Variants in MED27 observed in about 807,000 individuals in gnomAD.
MED27 encodes mediator complex subunit 27.
A neutral mutation model predicts 38.2 loss-of-function variants in MED27; 30 were observed. That is an observed-to-expected ratio of 0.79 (90% CI 0.59 to 1.07). The LOEUF is 1.07. MED27 is among the 50% of genes least tolerant of loss of function. The pLI is 0.00. For synonymous variants in MED27, 122 were observed against 153.5 expected (o/e 0.79, Z 1.52); for missense variants, 289 against 397.5 (o/e 0.73, Z 2.32).
rs544210692 is a variant in MED27, at chr9:131,883,947, C to A, written c.723+111G>T. ...TCAGACAGTGAGCATCCTTTTCTGT[C>A]TGGCTTTTTTCACTTTTTCAAAAGC... On this transcript the variant is annotated intron_variant, in intron 6 of 7. Transcript: ENST00000292035. This position sits in a 1 kb window ranked among gnomAD's most constrained non-coding sequence, Gnocchi z 4.2. 2 of 918,208 alleles carry A rather than the reference C, an allele frequency of 2.2e-6. No individual in the cohort carries two copies. The highest frequency in any genetic ancestry group is 4.8e-5 in the Admixed American group (2 of 41,808). 56.9% of individuals were successfully genotyped at this position (918,208 alleles called of 1,614,324 possible). A position where few individuals can be genotyped will look rare whatever the true frequency, so the allele number is the denominator to read the frequency against.
intron 4 of MED27, among the ~76,000 whole-genome samples, chr9:131,929,333 A>G (rs1830537244): frequency 6.6e-6 from 1 of 152,146 alleles, no homozygotes; most frequent in Non-Finnish European, 1.5e-5. Context: ...CTGCTGGAGA[A>G]AAGCAGAAGG....
chr9:131,876,098 G>A (rs1838927464), intron 6 of MED27, among the ~76,000 whole-genome samples: 1 of 152,210 alleles, frequency 6.6e-6, no homozygotes, highest in Non-Finnish European at 1.5e-5. Context: ...GGTGGGGGCC[G>A]TCCTGCCATG....
rs1475889290 is a variant in MED27 at position 131,880,784 on chromosome 9, T to C, written c.723+3274A>G. Among the ~76,000 whole-genome samples the C allele has an allele frequency of 4.6e-5, 7 of 151,940 alleles. No homozygotes were observed. In the East Asian group the frequency reaches 1.3e-3, roughly 29 times the overall value. On this transcript the variant is annotated intron_variant, in intron 6 of 7. Transcript: ENST00000292035. ...CCTGGCAGGTTATTTTCAAGGGAGG[T>C]AGGATAAAAATACAGTACTGTCTTT...
At chr9:131,941,676 T>C (rs2130970705) in intron 3 of MED27, among the ~76,000 whole-genome samples, 1 of 152,150 alleles carries the variant, frequency 6.6e-6, no homozygotes, top group South Asian at 2.1e-4. Flanking sequence ...TTCAAGTACA[T>C]GAATGGCTTT....
intron 2 of MED27, chr9:132,073,691 A>G (rs1360565350): frequency 6.6e-7 from 1 of 1,517,206 alleles, no homozygotes; most frequent in Non-Finnish European, 8.8e-7. Context: ...GGAGGGAGGA[A>G]ATGTCTTCAG....
chr9:132,022,597 T>G (rs1200899860), intron 2 of MED27, among the ~76,000 whole-genome samples: 1 of 152,216 alleles, frequency 6.6e-6, no homozygotes, highest in African/African-American at 2.4e-5. Context: ...AACATTTTAC[T>G]AGTCACCAAA....
At chr9:131,989,668 G>A (rs1258771511) in intron 3 of MED27, among the ~76,000 whole-genome samples, 5 of 151,612 alleles carry the variant, frequency 3.3e-5, no homozygotes, top group Admixed American at 6.6e-5. Flanking sequence ...GGAAATGTTC[G>A]AACATACCCA....
intron 2 of MED27, chr9:132,073,472 T>A: frequency 8.6e-7 from 1 of 1,160,244 alleles, no homozygotes; most frequent in Non-Finnish European, 1.1e-6. Flanking sequence ...ACATGGTGCC[T>A]CTCCCCTGAG....
rs760459199 is a variant in MED27 at position 131,863,012 on chromosome 9, T to C, written c.801+51A>G. 5 of 1,538,306 alleles carry C rather than the reference T, an allele frequency of 3.3e-6. No homozygotes were observed. The Admixed American group carries it at 6.7e-5, about 21-fold the overall frequency. On this transcript the variant is annotated intron_variant, in intron 7 of 7. Coordinates refer to ENST00000292035, the MANE Select transcript of MED27 (RefSeq NM_004269.4). ...TGCCCTTCAAGCTCCCTGTTCTCAC[T>C]TGAAGGGAGCTGAGGTTTAAACAGG...
chr9:132,013,877 G>T (rs987786604), intron 3 of MED27, among the ~76,000 whole-genome samples: 1 of 152,086 alleles, frequency 6.6e-6, no homozygotes, highest in Non-Finnish European at 1.5e-5. Flanking sequence ...ATCATGCTTG[G>T]TTTCTAATCC....
intron 4 of MED27, among the ~76,000 whole-genome samples, chr9:131,922,085 C>T (rs1022490478): frequency 2.6e-5 from 4 of 151,386 alleles, no homozygotes; most frequent in South Asian, 2.1e-4. Flanking sequence ...GACGAGTTAA[C>T]GGATGCAGCA....
intron 4 of MED27, among the ~76,000 whole-genome samples, chr9:131,916,556 CCACTGTT>C (rs1023594424): frequency 2.6e-5 from 4 of 152,178 alleles, no homozygotes; most frequent in Admixed American, 2.6e-4. Context: ...TTGATCAATA[CCACTGTT>C]CTTCGAACAA....
chr9:131,943,789 C>A (rs1028391129), intron 3 of MED27, among the ~76,000 whole-genome samples: 3 of 152,112 alleles, frequency 2.0e-5, no homozygotes, highest in East Asian at 1.9e-4. Flanking sequence ...AGAAGGCTTT[C>A]GAAAATGGAG....
chr9:131,923,387 A>T (rs1830430763), intron 4 of MED27, among the ~76,000 whole-genome samples: 1 of 152,144 alleles, frequency 6.6e-6, no homozygotes, highest in African/African-American at 2.4e-5. Flanking sequence ...AATCCAAACC[A>T]CTGTGAAAAA....
At chr9:131,903,991 C>A (rs947404850) in intron 4 of MED27, among the ~76,000 whole-genome samples, 1 of 151,758 alleles carries the variant, frequency 6.6e-6, no homozygotes, top group Non-Finnish European at 1.5e-5. Context: ...CTCTGCCTCC[C>A]GGGTTCAAGT....
chr9:131,959,297 T>TC (rs1831165524), intron 3 of MED27, among the ~76,000 whole-genome samples: 1 of 722 alleles, frequency 1.4e-3, no homozygotes, highest in African/African-American at 0.016. Context: ...CTGGCACATT[T>TC]CCTGTACAAC....
chr9:131,922,652 T>C (rs1830416273), intron 4 of MED27, among the ~76,000 whole-genome samples: 1 of 152,046 alleles, frequency 6.6e-6, no homozygotes. Context: ...TTTATTATTA[T>C]TATACTTTTA....
intron 6 of MED27, among the ~76,000 whole-genome samples, chr9:131,863,874 G>T (rs921129893): frequency 6.6e-6 from 1 of 152,202 alleles, no homozygotes; most frequent in Non-Finnish European, 1.5e-5. Context: ...GCAAGGCCAA[G>T]GGCAAGGCTG....
intron 3 of MED27, among the ~76,000 whole-genome samples, chr9:131,951,778 T>C (rs1318888982): frequency 6.6e-6 from 1 of 152,236 alleles, no homozygotes; most frequent in African/African-American, 2.4e-5. Context: ...GGAACTTCTG[T>C]TTGTGTCTAC....
Sources: allele counts gnomAD v4.1 joint callset (sites outside exome capture counted in the v4.1 genomes callset), GRCh38; gene constraint gnomAD v4.1.1; non-coding constraint Gnocchi (gnomAD v3.1); transcripts MANE v1.5; gene names NCBI Gene and HGNC (gene_info 2026-07-23, HGNC 2026-07-21).